Variants in NRG3 observed in about 807,000 individuals in gnomAD.
NRG3 encodes the protein neuregulin 3.
Under a neutral mutation model 66.9 loss-of-function variants are expected in NRG3, and 31 were observed. The ratio of observed to expected loss-of-function variants is 0.46; its 90% CI spans 0.35 to 0.63. The LOEUF (loss-of-function observed/expected upper bound fraction) is 0.63, where lower values mean the gene tolerates loss of function less well. Ranked by LOEUF, NRG3 falls within the 20% of genes least tolerant of loss-of-function variation. NRG3 has a pLI of 0.00. For synonymous variants in NRG3, 393 were observed against 359.4 expected, an observed-to-expected ratio of 1.09 and a Z score of -1.06; for missense variants, 910 against 878.9, an observed-to-expected ratio of 1.04 and a Z score of -0.45.
chr10:82,858,481 C>G (rs1173723942), intron 3 of NRG3, among the ~76,000 whole-genome samples: 2 of 152,162 alleles, frequency 1.3e-5, no homozygotes, highest in Non-Finnish European at 2.9e-5. Context: ...TATTTCTTTA[C>G]AATGATTTTA....
intron 1 of NRG3, among the ~76,000 whole-genome samples, chr10:82,332,342 G>A (rs1282345029): frequency 7.2e-5 from 11 of 152,154 alleles, no homozygotes; most frequent in African/African-American, 2.7e-4. Flanking sequence ...CCAACTGCCT[G>A]TTGATGTCAT....
chr10:82,629,494 A>G (rs2049664087), intron 2 of NRG3, among the ~76,000 whole-genome samples: 1 of 152,342 alleles, frequency 6.6e-6, no homozygotes, highest in South Asian at 2.1e-4. Context: ...AGGTGTGTAC[A>G]TTCTTAAATG....
chr10:82,091,263 T>A (rs1590072637), intron 1 of NRG3, among the ~76,000 whole-genome samples: 2 of 152,254 alleles, frequency 1.3e-5, no homozygotes, highest in African/African-American at 4.8e-5. Flanking sequence ...TGTCCCCGAT[T>A]TTCCTATCAT....
intron 1 of NRG3, among the ~76,000 whole-genome samples, chr10:82,186,480 C>T (rs966575440): frequency 6.6e-6 from 1 of 152,176 alleles, no homozygotes; most frequent in African/African-American, 2.4e-5. Flanking sequence ...TCCACTTCCA[C>T]TAATGCCTCA....
At chr10:81,918,824 A>ACAAAAAAAAAAG (rs1554854968) in intron 1 of NRG3, among the ~76,000 whole-genome samples, 1 of 151,430 alleles carries the variant, frequency 6.6e-6, no homozygotes, top group African/African-American at 2.4e-5. Flanking sequence ...TTTGCAAAAA[A>ACAAAAAAAAAAG]CAAAAACAAA....
intron 1 of NRG3, among the ~76,000 whole-genome samples, chr10:81,983,144 C>A (rs936888607): frequency 9.9e-5 from 15 of 152,226 alleles, no homozygotes; most frequent in East Asian, 1.9e-4. Flanking sequence ...TGCTAAATTG[C>A]TTGTAAATTC....
chr10:82,422,673 G>C (rs1313394023), intron 2 of NRG3, among the ~76,000 whole-genome samples: 1 of 151,968 alleles, frequency 6.6e-6, no homozygotes, highest in Non-Finnish European at 1.5e-5. Context: ...TTATCAAATA[G>C]AAATTTAGCT....
At chr10:82,090,910 C>G (rs2065989184) in intron 1 of NRG3, among the ~76,000 whole-genome samples, 1 of 152,082 alleles carries the variant, frequency 6.6e-6, no homozygotes, top group Non-Finnish European at 1.5e-5. Flanking sequence ...AAAGGTAGTG[C>G]TTCATGTTTG....
intron 2 of NRG3, among the ~76,000 whole-genome samples, chr10:82,731,648 C>G (rs962674917): frequency 5.9e-5 from 9 of 152,012 alleles, no homozygotes; most frequent in African/African-American, 2.2e-4. Context: ...TATGTAGATA[C>G]CATATTTTAT....
intron 1 of NRG3, among the ~76,000 whole-genome samples, chr10:82,346,602 C>G (rs953818424): frequency 1.3e-5 from 2 of 151,910 alleles, no homozygotes; most frequent in African/African-American, 2.4e-5. Flanking sequence ...GGAGGATTCC[C>G]TCTTTTTCTA....
chr10:82,625,816 T>C (rs888502675), intron 2 of NRG3, among the ~76,000 whole-genome samples: 1 of 152,158 alleles, frequency 6.6e-6, no homozygotes, highest in Admixed American at 6.6e-5. Flanking sequence ...TGGTAAAATA[T>C]GTCACCACTA....
intron 6 of NRG3, 119 bp downstream of exon 6, chr10:82,959,194 T>A: frequency 8.7e-7 from 1 of 1,154,944 alleles, no homozygotes; most frequent in Middle Eastern, 2.2e-4. Context: ...GGGTTTTGCT[T>A]AAATCGTTTT....
chr10:82,310,009 C>T (rs936753918), intron 1 of NRG3, among the ~76,000 whole-genome samples: 4 of 152,162 alleles, frequency 2.6e-5, no homozygotes, highest in Non-Finnish European at 5.9e-5. Flanking sequence ...CCCCTTCCTA[C>T]TTTTGCTGTA....
At chr10:82,622,079 C>T (rs2049077702) in intron 2 of NRG3, among the ~76,000 whole-genome samples, 1 of 152,144 alleles carries the variant, frequency 6.6e-6, no homozygotes, top group African/African-American at 2.4e-5. Context: ...GTTTAACATC[C>T]TTGCAGAGCC....
chr10:82,098,058 C>T (rs201807270), intron 1 of NRG3, among the ~76,000 whole-genome samples: 18,148 of 108,368 alleles, frequency 0.17, 1,125 homozygotes, highest in East Asian at 0.43. Context: ...CATATATACA[C>T]ACACACACAC....
At chr10:82,675,393 G>A (rs2053612671) in intron 2 of NRG3, among the ~76,000 whole-genome samples, 1 of 152,182 alleles carries the variant, frequency 6.6e-6, no homozygotes, top group Admixed American at 6.5e-5. Flanking sequence ...TTCTGGTGGG[G>A]CCACAAGAGC....
chr10:82,186,367 C>A (rs2073808974), intron 1 of NRG3, among the ~76,000 whole-genome samples: 1 of 152,122 alleles, frequency 6.6e-6, no homozygotes, highest in Admixed American at 6.5e-5. Flanking sequence ...CTAGAATCAC[C>A]TAGGAAAGCC....
chr10:82,703,893 T>C (rs1378974724), intron 2 of NRG3, among the ~76,000 whole-genome samples: 2 of 152,114 alleles, frequency 1.3e-5, no homozygotes, highest in Non-Finnish European at 2.9e-5. Context: ...CTGTATTCCA[T>C]ACTGTTATTC....
At chr10:82,659,347 T>A (rs558619018) in intron 2 of NRG3, among the ~76,000 whole-genome samples, 25 of 152,304 alleles carry the variant, frequency 1.6e-4, no homozygotes, top group African/African-American at 5.1e-4. Flanking sequence ...AATTTTTTTT[T>A]AAACTTTTAC....
Sources: gnomAD v4.1 joint callset for allele counts (sites outside exome capture counted in the v4.1 genomes callset) on GRCh38, gnomAD v4.1.1 for gene constraint, MANE v1.5 for transcripts, NCBI Gene and HGNC (gene_info 2026-07-23, HGNC 2026-07-21) for gene names.